MYLK: variants seen among roughly 807,000 people sequenced by gnomAD.
MYLK encodes myosin light chain kinase, smooth muscle.
Under a neutral mutation model 203.4 loss-of-function variants are expected in MYLK, and 106 were observed. That is an observed-to-expected ratio of 0.52 (90% confidence interval 0.45 to 0.61). MYLK has a LOEUF of 0.61. MYLK is among the 20% of genes least tolerant of loss of function. MYLK has a pLI of 0.00. For missense variants in MYLK, 2,072 were observed against 2,442.3 expected (o/e 0.85, Z 3.20); for synonymous variants, 867 against 959.5 (o/e 0.90, Z 1.78).
intron 19 of MYLK, among the ~76,000 whole-genome samples, chr3:123,687,722 A>G (rs560292361): frequency 6.7e-6 from 1 of 150,368 alleles, no homozygotes; most frequent in Admixed American, 6.7e-5. Context: ...CACAGGCTGG[A>G]GTACCGTGGT....
intron 19 of MYLK, among the ~76,000 whole-genome samples, chr3:123,686,250 G>A (rs1313703948): frequency 6.6e-6 from 1 of 152,216 alleles, no homozygotes; most frequent in African/African-American, 2.4e-5. Flanking sequence ...AAGTGTGGGG[G>A]AGGAAGATGG....
intron 18 of MYLK, among the ~76,000 whole-genome samples, chr3:123,698,147 C>T (rs1345647425): frequency 6.6e-6 from 1 of 152,196 alleles, no homozygotes; most frequent in Non-Finnish European, 1.5e-5. Context: ...CTGCCCCCAA[C>T]TGACTTAACC....
At chr3:123,878,897 G>A (rs2033332052) in intron 1 of MYLK, among the ~76,000 whole-genome samples, 1 of 152,194 alleles carries the variant, frequency 6.6e-6, no homozygotes, top group Admixed American at 6.5e-5. Flanking sequence ...ACGTTGGTCA[G>A]GCTGGTCCTG....
intron 3 of MYLK, among the ~76,000 whole-genome samples, chr3:123,812,202 T>A (rs557934407): frequency 2.0e-5 from 3 of 152,194 alleles, no homozygotes; most frequent in Non-Finnish European, 4.4e-5. Context: ...ATCACCTTAA[T>A]GGCTTCATCC....
chr3:123,619,243 G>A (rs2057705531), intron 32 of MYLK, among the ~76,000 whole-genome samples: 2 of 152,178 alleles, frequency 1.3e-5, no homozygotes, highest in African/African-American at 4.8e-5. Flanking sequence ...TGCTCACACT[G>A]CCTTCATGCT....
chr3:123,747,509 T>C (rs2063057710), intron 5 of MYLK, among the ~76,000 whole-genome samples: 1 of 152,156 alleles, frequency 6.6e-6, no homozygotes, highest in African/African-American at 2.4e-5. Flanking sequence ...TGATGCATGC[T>C]CAAGTTTGAG....
intron 1 of MYLK, among the ~76,000 whole-genome samples, chr3:123,882,037 C>A (rs2033579483): frequency 6.6e-6 from 1 of 152,206 alleles, no homozygotes; most frequent in African/African-American, 2.4e-5. Context: ...TAGGAATGTT[C>A]CAAGGCCTAG....
intron 13 of MYLK, among the ~76,000 whole-genome samples, chr3:123,719,953 G>T (rs2332579): frequency 6.6e-6 from 1 of 152,228 alleles, no homozygotes; most frequent in Non-Finnish European, 1.5e-5. Flanking sequence ...TCAGGGCACC[G>T]TGCCAGGGGG....
intron 2 of MYLK, among the ~76,000 whole-genome samples, chr3:123,841,770 G>C (rs2066597187): frequency 6.6e-6 from 1 of 152,140 alleles, no homozygotes; most frequent in South Asian, 2.1e-4. Context: ...TACAAGGTCA[G>C]AATGCTAGGG....
chr3:123,853,624 T>C (rs564265195), intron 2 of MYLK, among the ~76,000 whole-genome samples: 22 of 152,224 alleles, frequency 1.4e-4, no homozygotes, highest in Admixed American at 2.0e-4. Flanking sequence ...AGGTGACTTG[T>C]CATTTTAAAT....
At chr3:123,754,020 C>T (rs547292740) in intron 4 of MYLK, among the ~76,000 whole-genome samples, 10 of 152,316 alleles carry the variant, frequency 6.6e-5, no homozygotes, top group African/African-American at 2.4e-4. Context: ...GCTATATTGG[C>T]GCATGTGCAC....
chr3:123,736,675 G>A (rs1237313656), intron 8 of MYLK, among the ~76,000 whole-genome samples: 3 of 152,200 alleles, frequency 2.0e-5, no homozygotes, highest in East Asian at 1.9e-4. Context: ...GGGTCAAGTC[G>A]AAGGATCGCC....
At chr3:123,786,024 C>T (rs1180526637) in intron 4 of MYLK, among the ~76,000 whole-genome samples, 1 of 152,018 alleles carries the variant, frequency 6.6e-6, no homozygotes, top group African/African-American at 2.4e-5. Context: ...AAGAGTAGGC[C>T]GGGCACAGTG....
chr3:123,857,834 T>C (rs74648803), intron 2 of MYLK, among the ~76,000 whole-genome samples: 2 of 149,668 alleles, frequency 1.3e-5, no homozygotes, highest in Non-Finnish European at 1.5e-5. Flanking sequence ...AAAAAAAAAT[T>C]GTGTGTCATG....
At chr3:123,703,615 T>C (rs2061335041) in intron 16 of MYLK, among the ~76,000 whole-genome samples, 1 of 152,070 alleles carries the variant, frequency 6.6e-6, no homozygotes. Flanking sequence ...AACGAAGAGG[T>C]CCTCAGTGTG....
rs375904060 is a variant in MYLK at position 123,629,653 on chromosome 3, G to A, written c.4962-27C>T. On this transcript the variant is annotated intron_variant, in intron 29 of 33. Transcript: ENST00000360304. This position sits in a 1 kb window ranked among gnomAD's most constrained non-coding sequence, Gnocchi z 4.4. ...TGGAGAGACAAGAGCAGGACAGCAG[G>A]TGTGGCTAGGAGAGGGCGCGACGAC... The A allele has an allele frequency of 6.2e-6, 10 of 1,613,064 alleles. No individual in the cohort carries two copies. The highest frequency in any genetic ancestry group is 1.3e-5 in the African/African-American group (1 of 75,004).
In MYLK at chr3:123,832,037, G is replaced by C. The variant is rs149870165; in HGVS notation, c.-126-367C>G. Among the ~76,000 whole-genome samples the C allele has an allele frequency of 3.1e-3, 473 of 152,334 alleles. 2 individuals are homozygous for C. The highest frequency in any genetic ancestry group is 0.011 in the African/African-American group (455 of 41,574). ...TGAAAGGCAGTGCAGGTAGGTGGCTGTTGGGGCATTCTGGAGGGAGCTGGC... is the reference window on the plus strand; with the variant it reads ...TGAAAGGCAGTGCAGGTAGGTGGCTCTTGGGGCATTCTGGAGGGAGCTGGC... On this transcript the variant is annotated intron_variant, in intron 2 of 33. Transcript: ENST00000360304.
intron 3 of MYLK, among the ~76,000 whole-genome samples, chr3:123,808,213 A>T (rs1326837087): frequency 6.6e-6 from 1 of 152,176 alleles, no homozygotes; most frequent in Non-Finnish European, 1.5e-5. Context: ...CATTCTCACC[A>T]GGGGCAGGGC....
chr3:123,853,043 C>A (rs1353162226), intron 2 of MYLK, among the ~76,000 whole-genome samples: 3 of 152,002 alleles, frequency 2.0e-5, no homozygotes. Context: ...AAGTGCCTAG[C>A]ACACCTTATC....
Sources: allele counts gnomAD v4.1 joint callset (sites outside exome capture counted in the v4.1 genomes callset), GRCh38; gene constraint gnomAD v4.1.1; non-coding constraint Gnocchi (gnomAD v3.1); transcripts MANE v1.5; gene names NCBI Gene and HGNC (gene_info 2026-07-23, HGNC 2026-07-21).